The following SAMD5 variants were observed in gnomAD, a reference collection of about 807,000 sequenced individuals.
The protein encoded by SAMD5 is sterile alpha motif domain containing 5.
Under a neutral mutation model 11.3 loss-of-function variants are expected in SAMD5, and 13 were observed. The ratio of observed to expected loss-of-function variants is 1.15; its 90% CI spans 0.75 to 1.83. The LOEUF (loss-of-function observed/expected upper bound fraction) is 1.83, where lower values mean the gene tolerates loss of function less well. SAMD5 is among the 40% of genes most tolerant of loss of function. The probability of loss-of-function intolerance (pLI) is 0.00; values close to 1 mark genes in which losing one functional copy is unlikely to be tolerated. For synonymous variants in SAMD5, 129 were observed against 111.3 expected, an observed-to-expected ratio of 1.16 and a Z score of -1.00; for missense variants, 255 against 239.1, an observed-to-expected ratio of 1.07 and a Z score of -0.44.
the SAMD5 span, among the ~76,000 whole-genome samples, chr6:147,913,135 C>T: frequency 6.6e-6 from 1 of 151,728 alleles, no homozygotes; most frequent in Non-Finnish European, 1.5e-5. Flanking sequence ...ATTTTAGAAA[C>T]CTGAAAATGA....
chr6:147,773,902 G>A, the SAMD5 span, among the ~76,000 whole-genome samples: 3 of 152,112 alleles, frequency 2.0e-5, no homozygotes, highest in African/African-American at 4.8e-5. Flanking sequence ...TAGTGCAGTG[G>A]CATGATCACA....
chr6:147,575,584 A>G (rs1056833961), intron 1 of SAMD5, among the ~76,000 whole-genome samples: 4 of 152,274 alleles, frequency 2.6e-5, no homozygotes, highest in African/African-American at 9.6e-5. Context: ...ATGTGCATTC[A>G]AATCAATGAA....
At chr6:147,684,335 T>A (rs1484351257) in intron 1 of SAMD5, among the ~76,000 whole-genome samples, 6 of 152,036 alleles carry the variant, frequency 3.9e-5, no homozygotes, top group Admixed American at 1.3e-4. Flanking sequence ...TAGACTATGG[T>A]TTTTATATCC....
the SAMD5 span, among the ~76,000 whole-genome samples, chr6:147,913,405 T>C: frequency 1.8e-4 from 27 of 152,234 alleles, no homozygotes; most frequent in Non-Finnish European, 3.7e-4. Context: ...CATACAAATA[T>C]GAAATGGGGG....
the SAMD5 span, among the ~76,000 whole-genome samples, chr6:147,809,414 A>C: frequency 7.2e-3 from 1,100 of 152,168 alleles, 16 homozygotes; most frequent in African/African-American, 0.025. Context: ...ACACAGCTGT[A>C]CCTTTCAGCC....
the SAMD5 span, among the ~76,000 whole-genome samples, chr6:147,919,862 C>G: frequency 1.3e-5 from 2 of 152,186 alleles, no homozygotes; most frequent in African/African-American, 4.8e-5. Flanking sequence ...AGCAACGTGA[C>G]CTCATAAGGA....
At chr6:147,659,577 G>A (rs1790618549) in intron 1 of SAMD5, among the ~76,000 whole-genome samples, 1 of 152,138 alleles carries the variant, frequency 6.6e-6, no homozygotes, top group African/African-American at 2.4e-5. Flanking sequence ...ACGTGATTAG[G>A]AAAAGAAGAA....
chr6:147,928,382 G>T, the SAMD5 span, among the ~76,000 whole-genome samples: 6 of 152,032 alleles, frequency 3.9e-5, no homozygotes, highest in Non-Finnish European at 8.8e-5. Context: ...ATTTCCTCCT[G>T]GTTCAGTCTT....
intron 1 of SAMD5, among the ~76,000 whole-genome samples, chr6:147,630,653 C>A (rs910682087): frequency 6.6e-6 from 1 of 151,436 alleles, no homozygotes; most frequent in Non-Finnish European, 1.5e-5. Flanking sequence ...TTTGCTGACC[C>A]TCTTTTCTGA....
the SAMD5 span, among the ~76,000 whole-genome samples, chr6:147,768,804 TA>T: frequency 2.0e-5 from 3 of 152,070 alleles, no homozygotes; most frequent in African/African-American, 7.2e-5. Context: ...TTTATATATT[TA>T]TTTTTTTGAG....
intron 1 of SAMD5, among the ~76,000 whole-genome samples, chr6:147,630,604 C>T (rs1790134845): frequency 6.6e-6 from 1 of 151,870 alleles, no homozygotes; most frequent in Non-Finnish European, 1.5e-5. Flanking sequence ...TTTCCATTAC[C>T]CACCCAAATC....
the SAMD5 span, among the ~76,000 whole-genome samples, chr6:147,802,968 A>G: frequency 0.01 from 1,554 of 152,348 alleles, 30 homozygotes; most frequent in African/African-American, 0.035. Context: ...GTATCACACA[A>G]ATGTAGCATT....
At chr6:147,705,653 A>G (rs982227693) in intron 1 of SAMD5, among the ~76,000 whole-genome samples, 3 of 152,222 alleles carry the variant, frequency 2.0e-5, no homozygotes, top group African/African-American at 4.8e-5. Flanking sequence ...TTAATCAATC[A>G]AAATGCAAAA....
chr6:147,589,771 A>G (rs1156729635), intron 1 of SAMD5, among the ~76,000 whole-genome samples: 3 of 152,214 alleles, frequency 2.0e-5, no homozygotes, highest in African/African-American at 7.2e-5. Context: ...AGCAATGGTT[A>G]TTAGTGCTCT....
chr6:147,738,721 A>T (rs1290796899), downstream of SAMD5, among the ~76,000 whole-genome samples: 1 of 152,192 alleles, frequency 6.6e-6, no homozygotes, highest in Non-Finnish European at 1.5e-5. Context: ...AATGCCTGGG[A>T]TGAAAAACCA....
intron 1 of SAMD5, among the ~76,000 whole-genome samples, chr6:147,671,958 C>G (rs992749946): frequency 4.6e-5 from 6 of 129,424 alleles, no homozygotes; most frequent in African/African-American, 1.8e-4. Flanking sequence ...TTAAAATCAA[C>G]TTGACAAATT....
chr6:147,822,240 G>A, the SAMD5 span, among the ~76,000 whole-genome samples: 235 of 152,166 alleles, frequency 1.5e-3, no homozygotes, highest in African/African-American at 5.2e-3. Context: ...TTAACAATCT[G>A]TTTCCACTTG....
chr6:147,560,022 T>C (rs1456948837), intron 1 of SAMD5, among the ~76,000 whole-genome samples: 1 of 152,210 alleles, frequency 6.6e-6, no homozygotes, highest in African/African-American at 2.4e-5. Flanking sequence ...ATAAAGACTA[T>C]CTGACTTTCT....
At chr6:147,820,178 T>G in the SAMD5 span, among the ~76,000 whole-genome samples, 1 of 152,226 alleles carries the variant, frequency 6.6e-6, no homozygotes, top group Non-Finnish European at 1.5e-5. Context: ...TTATCTCCAT[T>G]ATTTCTTATT....
Sources: gnomAD v4.1 joint callset for allele counts (sites outside exome capture counted in the v4.1 genomes callset) on GRCh38, gnomAD v4.1.1 for gene constraint, MANE v1.5 for transcripts, NCBI Gene and HGNC (gene_info 2026-07-23, HGNC 2026-07-21) for gene names.